RNF149: variants seen among roughly 807,000 people sequenced by gnomAD.
The protein encoded by RNF149 is E3 ubiquitin-protein ligase RNF149.
A neutral mutation model predicts 39.0 loss-of-function variants in RNF149; 21 were observed. The observed-to-expected ratio is 0.54, with a 90% CI of 0.38 to 0.77. The LOEUF (loss-of-function observed/expected upper bound fraction) is 0.77, where lower values mean the gene tolerates loss of function less well. Ranked by LOEUF, RNF149 falls within the 30% of genes least tolerant of loss-of-function variation. The pLI, the probability that RNF149 is intolerant of heterozygous loss-of-function variation, is 0.00. For missense variants in RNF149, 493 were observed against 534.9 expected (o/e 0.92, Z 0.77); for synonymous variants, 209 against 213.6 (o/e 0.98, Z 0.19).
intron 1 of RNF149, among the ~76,000 whole-genome samples, chr2:101,297,131 C>T (rs1044488552): frequency 6.6e-6 from 1 of 152,084 alleles, no homozygotes; most frequent in African/African-American, 2.4e-5. Flanking sequence ...ATTGCTTGAA[C>T]CCAGGAGGCA....
chr2:101,271,297 CAG>C (rs1682121818), downstream of RNF149: 1 of 152,094 alleles, frequency 6.6e-6, no homozygotes. Context: ...TTTTATAAAA[CAG>C]ATTTACACTT....
chr2:101,279,026 G>A (rs1682459790), intron 6 of RNF149, among the ~76,000 whole-genome samples: 1 of 152,208 alleles, frequency 6.6e-6, no homozygotes, highest in South Asian at 2.1e-4. Context: ...TTTTCTGGAA[G>A]TATTAATGCC....
At chr2:101,286,232 T>A in intron 4 of RNF149, 55 bp from the exon 5 acceptor site, 3 of 1,049,630 alleles carry the variant, frequency 2.9e-6, no homozygotes, top group Non-Finnish European at 4.4e-6. Context: ...ATATAACTTA[T>A]AAAGGAAATA....
At chr2:101,289,686 C>T (rs1300627078) in intron 3 of RNF149, among the ~76,000 whole-genome samples, 2 of 142,480 alleles carry the variant, frequency 1.4e-5, no homozygotes, top group East Asian at 4.4e-4. Flanking sequence ...GCCTGGGCAA[C>T]TGTTGAGCAA....
At position 101,294,931 on chromosome 2, in the gene RNF149, C is replaced by A. The variant is rs754973948; in HGVS notation, c.711G>T (p.Gln237His). The A allele has an allele frequency of 6.2e-7, 1 of 1,607,710 alleles. No homozygotes were observed. The highest frequency in any genetic ancestry group is 1.1e-5 in the South Asian group (1 of 90,524). The change falls in exon 2 of 7, where the codon CAG becomes CAT. Residue 237 changes from glutamine (Q) to histidine (H), a missense_variant and splice_region_variant. Gln to His is a conservative substitution (Grantham distance 24). Transcript: ENST00000295317. ...AAAATTCAGAGTTATCCATCATTAC[C>A]TGACTTCCAATCTGAGAGCCAGTAT... ...FLYTGSQIGSQSHRKETKKVI... is the reference protein window; with the variant it reads ...FLYTGSQIGSHSHRKETKKVI...
In RNF149 at chr2:101,293,992, A is replaced by G. The variant is rs112591942; in HGVS notation, c.780+22T>C. 955 of 1,438,664 alleles carry G rather than the reference A, an allele frequency of 6.6e-4. 13 individuals carry two copies. In the African/African-American group the frequency reaches 0.013, roughly 19 times the overall value. 89.1% of individuals were successfully genotyped at this position (1,438,664 alleles called of 1,614,324 possible). A position where few individuals can be genotyped will look rare whatever the true frequency, so the allele number is the denominator to read the frequency against. On this transcript the variant is annotated intron_variant, in intron 3 of 6. Coordinates refer to ENST00000295317, the MANE Select transcript of RNF149 (RefSeq NM_173647.4). ...TCTCTACTCTAAACCACAAAACAAA[A>G]GAAAAACCATGAAAATATTACCTTT...
At chr2:101,281,088 T>C (rs917436800) in intron 6 of RNF149, among the ~76,000 whole-genome samples, 1 of 152,114 alleles carries the variant, frequency 6.6e-6, no homozygotes, top group African/African-American at 2.4e-5. Context: ...TGCAGTTCAC[T>C]ACATTTTACC....
intron 1 of RNF149, among the ~76,000 whole-genome samples, chr2:101,304,728 C>G (rs1683590160): frequency 6.6e-6 from 1 of 151,880 alleles, no homozygotes; most frequent in African/African-American, 2.4e-5. Context: ...CAATAAAATA[C>G]TGATTTAAAT....
intron 1 of RNF149, among the ~76,000 whole-genome samples, chr2:101,302,430 T>C (rs569164940): frequency 1.8e-4 from 28 of 152,184 alleles, no homozygotes; most frequent in Non-Finnish European, 3.7e-4. Flanking sequence ...TATGGTTGGT[T>C]AGAGTGAGTT....
intron 3 of RNF149, among the ~76,000 whole-genome samples, chr2:101,292,233 T>C (rs887067989): frequency 3.3e-5 from 5 of 152,210 alleles, no homozygotes; most frequent in African/African-American, 9.7e-5. Flanking sequence ...GTGGGGGCCA[T>C]CTGTATATAC....
chr2:101,289,373 TTTTA>T (rs1682917719), intron 3 of RNF149, among the ~76,000 whole-genome samples: 1 of 152,144 alleles, frequency 6.6e-6, no homozygotes, highest in South Asian at 2.1e-4. Flanking sequence ...GCAGTAAACA[TTTTA>T]TTTATTATTG....
chr2:101,281,608 C>T (rs547601483), intron 6 of RNF149: 2 of 467,248 alleles, frequency 4.3e-6, no homozygotes, highest in Non-Finnish European at 7.8e-6. Context: ...ACAAGCCACT[C>T]TCCTGCCTCA....
intron 6 of RNF149, among the ~76,000 whole-genome samples, chr2:101,281,212 T>C (rs1433291630): frequency 6.7e-6 from 1 of 149,548 alleles, no homozygotes; most frequent in East Asian, 2.0e-4. Context: ...TTATAGAAAA[T>C]TCAAAATGTA....
chr2:101,299,699 G>C (rs1317296691), intron 1 of RNF149, among the ~76,000 whole-genome samples: 3 of 152,186 alleles, frequency 2.0e-5, no homozygotes, highest in Admixed American at 6.5e-5. Flanking sequence ...GATGACAGTT[G>C]AATCAATTTC....
At chr2:101,280,119 T>G (rs906526106) in intron 6 of RNF149, among the ~76,000 whole-genome samples, 17 of 151,860 alleles carry the variant, frequency 1.1e-4, no homozygotes, top group Non-Finnish European at 8.8e-5. Context: ...GAGGCTGCAG[T>G]GAGCTGAGAT....
chr2:101,307,535 A>G (rs1683713282), intron 1 of RNF149, among the ~76,000 whole-genome samples: 1 of 152,120 alleles, frequency 6.6e-6, no homozygotes. Flanking sequence ...GTAACTCAAG[A>G]CTCAGGAAAT....
chr2:101,281,697 C>T, intron 6 of RNF149, 162 bp downstream of exon 6: 1 of 750,386 alleles, frequency 1.3e-6, no homozygotes, highest in Non-Finnish European at 2.2e-6. Context: ...GATGGGGTCT[C>T]ACTATGCTGC....
At position 101,277,094 on chromosome 2, in the gene RNF149, C is replaced by A. The variant is rs1289967863; in HGVS notation, c.*144G>T. 5 of 1,419,574 alleles carry A rather than the reference C, an allele frequency of 3.5e-6. No homozygotes were observed. The highest frequency in any genetic ancestry group is 4.7e-6 in the Non-Finnish European group (5 of 1,064,120). The allele number at this position is 1,419,574 out of a possible 1,614,324, so 87.9% of individuals were successfully genotyped here. A position where few individuals can be genotyped will look rare whatever the true frequency, so the allele number is the denominator to read the frequency against. ...CTCTTCAAGAAGAAAATATCTTAGT[C>A]CTTTGTATATCAAATCAGAATCTAA... On this transcript the variant is annotated 3_prime_UTR_variant, in exon 7 of 7. Transcript: ENST00000295317.
At chr2:101,281,146 T>C (rs935679100) in intron 6 of RNF149, among the ~76,000 whole-genome samples, 1 of 152,224 alleles carries the variant, frequency 6.6e-6, no homozygotes, top group Non-Finnish European at 1.5e-5. Flanking sequence ...TATATATACA[T>C]AATGATTTCA....
Sources: gnomAD v4.1 joint callset for allele counts (sites outside exome capture counted in the v4.1 genomes callset) on GRCh38, gnomAD v4.1.1 for gene constraint, MANE v1.5 for transcripts, NCBI Gene and HGNC (gene_info 2026-07-23, HGNC 2026-07-21) for gene names.